Variants in ROBO2 observed in about 807,000 individuals in gnomAD.
ROBO2 encodes roundabout guidance receptor 2.
A neutral mutation model predicts 160.8 loss-of-function variants in ROBO2; 53 were observed. That is an observed-to-expected ratio of 0.33 (90% CI 0.26 to 0.41). The LOEUF (loss-of-function observed/expected upper bound fraction) is 0.41, where lower values mean the gene tolerates loss of function less well. Among genes scored for constraint, ROBO2 ranks in the 10% least tolerant of loss-of-function variants. The pLI, the probability that ROBO2 is intolerant of heterozygous loss-of-function variation, is 1.00. For synonymous variants in ROBO2, 664 were observed against 611.7 expected (o/e 1.09, Z -1.26); for missense variants, 1,577 against 1,722.4 (o/e 0.92, Z 1.49).
At chr3:76,927,046 A>AT (rs2077034661) in intron 2 of ROBO2, among the ~76,000 whole-genome samples, 2 of 152,180 alleles carry the variant, frequency 1.3e-5, no homozygotes, top group African/African-American at 2.4e-5. Context: ...GACGGAAGAC[A>AT]TGAGATTATT....
intron 2 of ROBO2, among the ~76,000 whole-genome samples, chr3:77,014,503 C>T (rs1338274239): frequency 6.6e-6 from 1 of 152,134 alleles, no homozygotes; most frequent in African/African-American, 2.4e-5. Flanking sequence ...CACGCCGATC[C>T]CAGCAGTTTT....
intron 2 of ROBO2, among the ~76,000 whole-genome samples, chr3:77,308,265 A>G (rs777343923): frequency 6.6e-6 from 1 of 152,160 alleles, no homozygotes; most frequent in Non-Finnish European, 1.5e-5. Flanking sequence ...TGTTCTATGT[A>G]GGCAGGAAGA....
chr3:76,219,114 A>G (rs544134179), intron 2 of ROBO2, among the ~76,000 whole-genome samples: 20 of 152,366 alleles, frequency 1.3e-4, no homozygotes, highest in Non-Finnish European at 1.6e-4. Flanking sequence ...AGCCATATGT[A>G]GAAAGTTGAA....
intron 2 of ROBO2, among the ~76,000 whole-genome samples, chr3:77,293,449 A>G (rs1377078260): frequency 6.7e-6 from 1 of 148,194 alleles, no homozygotes; most frequent in Non-Finnish European, 1.5e-5. Flanking sequence ...CACTAAAGAC[A>G]TAAAGTAAAA....
chr3:76,899,135 G>A (rs945487029), intron 2 of ROBO2, among the ~76,000 whole-genome samples: 4 of 151,938 alleles, frequency 2.6e-5, no homozygotes, highest in African/African-American at 7.3e-5. Context: ...CAATCATCTC[G>A]TATAGAACTA....
intron 2 of ROBO2, among the ~76,000 whole-genome samples, chr3:77,019,383 A>C (rs991845042): frequency 6.6e-6 from 1 of 152,162 alleles, no homozygotes; most frequent in African/African-American, 2.4e-5. Context: ...GCAGGACATC[A>C]TCATCCCCCA....
intron 2 of ROBO2, among the ~76,000 whole-genome samples, chr3:76,632,314 G>A (rs527863217): frequency 9.9e-5 from 15 of 152,262 alleles, no homozygotes; most frequent in East Asian, 3.9e-4. Flanking sequence ...GATAGATTTC[G>A]TTCCTTTGTC....
At chr3:76,237,274 C>T (rs1277704788) in intron 2 of ROBO2, among the ~76,000 whole-genome samples, 3 of 152,038 alleles carry the variant, frequency 2.0e-5, no homozygotes, top group Non-Finnish European at 4.4e-5. Flanking sequence ...TCTACATTAC[C>T]TAAGATGGAA....
Position 77,454,847 on chromosome 3 carries a change from T to A in ROBO2, c.389-22567T>A, listed in dbSNP as rs561002491. Among the ~76,000 whole-genome samples the A allele has an allele frequency of 2.0e-5, 3 of 152,326 alleles. No individual in the cohort carries two copies. The South Asian group carries it at 6.2e-4, about 32-fold the overall frequency. On this transcript the variant is annotated intron_variant, in intron 2 of 25. Coordinates refer to ENST00000461745, the Ensembl canonical transcript of ROBO2. ...GTTGACATAATGCTAAGATCATTTGTTAGGATACCATATGAATTATCATAG... is the reference window on the plus strand; with the variant it reads ...GTTGACATAATGCTAAGATCATTTGATAGGATACCATATGAATTATCATAG...
chr3:76,436,532 C>A (rs57540321), intron 2 of ROBO2, among the ~76,000 whole-genome samples: 3,316 of 152,168 alleles, frequency 0.022, 130 homozygotes, highest in African/African-American at 0.075. Flanking sequence ...GCCTCTAGGA[C>A]AAACACTTAC....
intron 2 of ROBO2, among the ~76,000 whole-genome samples, chr3:76,158,079 G>A (rs972200358): frequency 6.6e-6 from 1 of 152,144 alleles, no homozygotes; most frequent in African/African-American, 2.4e-5. Context: ...ACAGGTGAGA[G>A]GTTTGTGTTA....
chr3:77,131,195 A>T (rs2075823144), intron 2 of ROBO2, among the ~76,000 whole-genome samples: 1 of 152,136 alleles, frequency 6.6e-6, no homozygotes, highest in East Asian at 1.9e-4. Flanking sequence ...TGGTTGAAAG[A>T]TGCTCCCCTC....
intron 2 of ROBO2, among the ~76,000 whole-genome samples, chr3:77,135,188 G>A (rs576077983): frequency 2.0e-4 from 31 of 152,248 alleles, no homozygotes; most frequent in African/African-American, 7.5e-4. Flanking sequence ...TTTTAATTGG[G>A]AATAGGGAAA....
intron 4 of ROBO2, among the ~76,000 whole-genome samples, chr3:77,487,762 T>C (rs2085547075): frequency 1.3e-5 from 2 of 152,200 alleles, no homozygotes; most frequent in African/African-American, 2.4e-5. Flanking sequence ...TTTTATTACA[T>C]AGCTTTGGTC....
intron 2 of ROBO2, 113 bp downstream of exon 2, chr3:77,098,453 ATTTT>A: frequency 9.2e-7 from 1 of 1,084,582 alleles, no homozygotes; most frequent in Non-Finnish European, 1.4e-6. Flanking sequence ...ACACTGCATA[ATTTT>A]ACTTGGTCTT....
chr3:77,265,770 T>C (rs1173479003), intron 2 of ROBO2, among the ~76,000 whole-genome samples: 1 of 152,164 alleles, frequency 6.6e-6, no homozygotes, highest in Non-Finnish European at 1.5e-5. Flanking sequence ...TAGAATCCAA[T>C]CTCAGACATG....
At chr3:77,419,148 A>G (rs1251034905) in intron 2 of ROBO2, among the ~76,000 whole-genome samples, 1 of 152,114 alleles carries the variant, frequency 6.6e-6, no homozygotes, top group African/African-American at 2.4e-5. Context: ...GATTCTATAA[A>G]GGCCCAAGGC....
intron 2 of ROBO2, among the ~76,000 whole-genome samples, chr3:76,644,206 T>A (rs1339564740): frequency 2.0e-5 from 3 of 152,102 alleles, no homozygotes. Context: ...CTGAGCACAT[T>A]CCCTTAGCTT....
intron 2 of ROBO2, among the ~76,000 whole-genome samples, chr3:76,272,707 A>G (rs1350882256): frequency 8.0e-6 from 1 of 124,848 alleles, no homozygotes; most frequent in East Asian, 2.1e-4. Flanking sequence ...TATATATATA[A>G]AATATATATT....
Sources: gnomAD v4.1 joint callset for allele counts (sites outside exome capture counted in the v4.1 genomes callset) on GRCh38, gnomAD v4.1.1 for gene constraint, MANE v1.5 for transcripts, NCBI Gene and HGNC (gene_info 2026-07-23, HGNC 2026-07-21) for gene names.